TTC17: variants seen among roughly 807,000 people sequenced by gnomAD.
TTC17 encodes tetratricopeptide repeat domain 17, also known as tetratricopeptide repeat protein 17.
Under a neutral mutation model 143.8 loss-of-function variants are expected in TTC17, and 58 were observed. The ratio of observed to expected loss-of-function variants is 0.40; its 90% CI spans 0.33 to 0.50. The LOEUF (loss-of-function observed/expected upper bound fraction) is 0.50. TTC17 is among the 20% of genes least tolerant of loss of function. TTC17 has a pLI of 0.49. For synonymous variants in TTC17, 501 were observed against 497.8 expected, an observed-to-expected ratio of 1.01 and a Z score of -0.09; for missense variants, 1,273 against 1,392.5, an observed-to-expected ratio of 0.91 and a Z score of 1.37.
In TTC17 at chr11:43,490,313, C is replaced by T. The variant is rs369157157; in HGVS notation, c.3105C>T (p.Ile1035=). Residue 1035 remains isoleucine (I), a synonymous_variant, in exon 22 of 24, where the codon ATC becomes ATT. Coordinates refer to ENST00000039989, the MANE Select transcript of TTC17 (RefSeq NM_018259.6). ...WRVKGQGKKA[I]DCLRQALHYA... ...TGAAAGGCCAAGGAAAGAAGGCAATCGACTGCCTCCGCCAGGCTCTGCACT... is the reference window on the plus strand; with the variant it reads ...TGAAAGGCCAAGGAAAGAAGGCAATTGACTGCCTCCGCCAGGCTCTGCACT... 51 of 1,612,640 alleles carry T rather than the reference C, an allele frequency of 3.2e-5. No homozygotes were observed. Among genetic ancestry groups the T allele is most frequent in the East Asian group, 1.6e-4 (7 of 44,880 alleles).
At chr11:43,385,691 G>A (rs1857143049) in intron 2 of TTC17, 1 of 148,930 alleles carries the variant, frequency 6.7e-6, no homozygotes, top group African/African-American at 2.5e-5. Context: ...AGACAGGACA[G>A]CATAGCAAGA....
chr11:43,484,553 A>G (rs1324460916), intron 21 of TTC17, among the ~76,000 whole-genome samples: 1 of 152,228 alleles, frequency 6.6e-6, no homozygotes, highest in Non-Finnish European at 1.5e-5. Context: ...AGTCAATGCT[A>G]TTATAATCAA....
At chr11:43,373,785 G>A (rs532192272) in intron 1 of TTC17, among the ~76,000 whole-genome samples, 54 of 152,306 alleles carry the variant, frequency 3.5e-4, no homozygotes, top group East Asian at 1.7e-3. Flanking sequence ...TTACGGTAAC[G>A]TTAAGTCTTT....
At chr11:43,443,926 T>G in intron 17 of TTC17, 130 bp from the exon 18 acceptor site, 1 of 1,108,586 alleles carries the variant, frequency 9.0e-7, no homozygotes, top group South Asian at 1.8e-5. Context: ...ATTTAGGTCT[T>G]TAAGAATTAA....
chr11:43,441,747 A>C (rs556139193), intron 16 of TTC17, among the ~76,000 whole-genome samples: 4 of 152,236 alleles, frequency 2.6e-5, no homozygotes, highest in Non-Finnish European at 5.9e-5. Context: ...AGAAGCCTTC[A>C]GCAAGCTCCA....
chr11:43,419,105 T>C (rs1388225711), intron 16 of TTC17, among the ~76,000 whole-genome samples: 1 of 152,212 alleles, frequency 6.6e-6, no homozygotes, highest in African/African-American at 2.4e-5. Flanking sequence ...ACCCAAGATT[T>C]CTGAGCTCTG....
At chr11:43,404,181 A>T (rs576622787) in intron 11 of TTC17, 37 bp downstream of exon 11, 1 of 1,582,592 alleles carries the variant, frequency 6.3e-7, no homozygotes, top group South Asian at 1.2e-5. Flanking sequence ...GTTTTCTCAA[A>T]CTGGCAAGAT....
chr11:43,478,953 G>A (rs1948236224), intron 21 of TTC17, among the ~76,000 whole-genome samples: 1 of 152,152 alleles, frequency 6.6e-6, no homozygotes, highest in African/African-American at 2.4e-5. Context: ...TAAAAGAGTA[G>A]TTCCAGGCCG....
At chr11:43,413,249 A>C (rs1319137188) in intron 15 of TTC17, among the ~76,000 whole-genome samples, 1 of 152,196 alleles carries the variant, frequency 6.6e-6, no homozygotes, top group Non-Finnish European at 1.5e-5. Flanking sequence ...TTGGTTTTTC[A>C]GTAAGTTAGT....
intron 16 of TTC17, chr11:43,436,135 G>T: frequency 7.5e-7 from 1 of 1,331,500 alleles, no homozygotes; most frequent in Non-Finnish European, 9.6e-7. Flanking sequence ...TATTTCTAAT[G>T]TGCTATATCT....
chr11:43,400,856 A>C (rs1373035421), intron 9 of TTC17, among the ~76,000 whole-genome samples: 1 of 152,186 alleles, frequency 6.6e-6, no homozygotes, highest in Non-Finnish European at 1.5e-5. Flanking sequence ...AGATCTGACA[A>C]CTCAATAACA....
Position 43,405,959 on chromosome 11 carries a change from T to C in TTC17, c.1761+8T>C, listed in dbSNP as rs1858108676. On this transcript the variant is annotated splice_region_variant and intron_variant, in intron 13 of 23. Transcript: ENST00000039989. ...GATGACCATGCACGAAAAGTAAGGCTCACTTAGGCTGGTATTTATTGCCGT... is the reference window on the plus strand; with the variant it reads ...GATGACCATGCACGAAAAGTAAGGCCCACTTAGGCTGGTATTTATTGCCGT... 2 of 1,610,546 alleles carry C rather than the reference T, an allele frequency of 1.2e-6. No homozygotes were observed. Among genetic ancestry groups the C allele is most frequent in the Non-Finnish European group, 1.7e-6 (2 of 1,178,964 alleles).
intron 15 of TTC17, among the ~76,000 whole-genome samples, chr11:43,410,434 C>G (rs906738644): frequency 3.3e-5 from 5 of 152,072 alleles, no homozygotes; most frequent in Admixed American, 2.6e-4. Flanking sequence ...AGTTGGCTCT[C>G]AAATATATAA....
intron 16 of TTC17, among the ~76,000 whole-genome samples, chr11:43,442,051 C>T (rs1198520465): frequency 5.9e-5 from 9 of 152,272 alleles, no homozygotes; most frequent in Admixed American, 5.9e-4. Context: ...CTACTGCACT[C>T]CCGCGTTATA....
chr11:43,486,900 G>A (rs1948391040), intron 21 of TTC17, among the ~76,000 whole-genome samples: 1 of 151,710 alleles, frequency 6.6e-6, no homozygotes, highest in Admixed American at 6.6e-5. Context: ...GCCAAGCATG[G>A]TGGTGCATGC....
intron 21 of TTC17, among the ~76,000 whole-genome samples, chr11:43,485,663 G>T (rs866042407): frequency 6.6e-6 from 1 of 152,052 alleles, no homozygotes; most frequent in Non-Finnish European, 1.5e-5. Context: ...GCATTTCACA[G>T]AAGTGATATG....
intron 22 of TTC17, 70 bp downstream of exon 22, chr11:43,490,428 C>CCTG: frequency 6.7e-7 from 1 of 1,491,706 alleles, no homozygotes. Context: ...TTATTCTGCC[C>CCTG]TTTGAACCAG....
chr11:43,474,636 C>T (rs1948152114), intron 21 of TTC17, among the ~76,000 whole-genome samples: 1 of 152,156 alleles, frequency 6.6e-6, no homozygotes, highest in Non-Finnish European at 1.5e-5. Context: ...CTTTAAAACA[C>T]AATTACAGTT....
At chr11:43,454,667 A>C (rs1947727999) in intron 21 of TTC17, among the ~76,000 whole-genome samples, 1 of 152,108 alleles carries the variant, frequency 6.6e-6, no homozygotes. Flanking sequence ...ATAAGAGAGC[A>C]AAGTTTATGA....
Sources: allele counts gnomAD v4.1 joint callset (sites outside exome capture counted in the v4.1 genomes callset), GRCh38; gene constraint gnomAD v4.1.1; transcripts MANE v1.5; gene names NCBI Gene and HGNC (gene_info 2026-07-23, HGNC 2026-07-21).